SGCE: variants seen among roughly 807,000 people sequenced by gnomAD.
SGCE encodes epsilon-sarcoglycan.
A neutral mutation model predicts 57.8 loss-of-function variants in SGCE; 26 were observed. That is an observed-to-expected ratio of 0.45 (90% CI 0.33 to 0.62). The LOEUF is 0.62. Ranked by LOEUF, SGCE falls within the 20% of genes least tolerant of loss-of-function variation. The pLI is 0.02. For synonymous variants in SGCE, 183 were observed against 189.5 expected (o/e 0.97, Z 0.28); for missense variants, 468 against 548.6 (o/e 0.85, Z 1.47).
intron 3 of SGCE, chr7:94,626,068 C>T (rs1437330824): frequency 1.3e-5 from 2 of 152,094 alleles, no homozygotes; most frequent in Admixed American, 6.6e-5. Context: ...GAATATTCCT[C>T]ATTACCCATA....
intron 1 of SGCE, among the ~76,000 whole-genome samples, chr7:94,653,864 TTTTA>T (rs1216240191): frequency 6.6e-6 from 1 of 151,982 alleles, no homozygotes; most frequent in Non-Finnish European, 1.5e-5. Context: ...TCATTTAAAA[TTTTA>T]ATTAAAAAAT....
intron 9 of SGCE, among the ~76,000 whole-genome samples, chr7:94,594,034 C>T (rs1296714940): frequency 2.6e-5 from 4 of 152,178 alleles, no homozygotes; most frequent in African/African-American, 4.8e-5. Flanking sequence ...TCTGACACAA[C>T]GTGGTTTGGG....
chr7:94,600,293 AT>A (rs1183581084), intron 7 of SGCE: 2 of 240,970 alleles, frequency 8.3e-6, no homozygotes, highest in Admixed American at 1.0e-4. Context: ...AACTAACACA[AT>A]TTTTTTAAGT....
At chr7:94,652,856 C>T (rs899666143) in intron 1 of SGCE, among the ~76,000 whole-genome samples, 1 of 152,110 alleles carries the variant, frequency 6.6e-6, no homozygotes, top group African/African-American at 2.4e-5. Flanking sequence ...GGTAAGTCAG[C>T]AGGTTCGTAA....
chr7:94,600,870 A>C lies in SGCE; in HGVS notation c.826-13T>G. On this transcript the variant is annotated splice_polypyrimidine_tract_variant and intron_variant, in intron 6 of 10. Transcript: ENST00000648936. ...TTGTTTTATCAACCTGATATAAAAG[A>C]AGACAATTACACAACAAATTAATCG... The C allele has an allele frequency of 1.3e-6, 2 of 1,590,274 alleles. No homozygotes were observed. The highest frequency in any genetic ancestry group is 2.2e-5 in the South Asian group (2 of 89,628).
At chr7:94,649,838 A>T in intron 1 of SGCE, among the ~76,000 whole-genome samples, 1 of 152,204 alleles carries the variant, frequency 6.6e-6, no homozygotes. Flanking sequence ...AGAAAATATG[A>T]CAGAAGAATT....
In SGCE at chr7:94,634,954, C is replaced by T. The variant is rs1805392807; in HGVS notation, c.110-5113G>A. 2.6e-5 allele frequency among the ~76,000 whole-genome samples: 4 copies of T among 152,012 alleles called. No individual in the cohort carries two copies. In the South Asian group the frequency reaches 6.2e-4, roughly 24 times the overall value. ...GCATTGTATAAAACACTTACATATTCGATATGTGGGAAATACACTGCACAA... is the reference window on the plus strand; with the variant it reads ...GCATTGTATAAAACACTTACATATTTGATATGTGGGAAATACACTGCACAA... On this transcript the variant is annotated intron_variant, in intron 1 of 10. Transcript: ENST00000648936.
rs779825167 is a variant in SGCE at position 94,600,687 on chromosome 7, A to G, written c.996T>C (p.Phe332=). Residue 332 remains phenylalanine (F), a synonymous_variant, in exon 7 of 11, where the codon TTT becomes TTC. Coordinates refer to ENST00000648936, the MANE Select transcript of SGCE (RefSeq NM_003919.3). ...AVPSAVALVL[F]LILAYIMCCR... is the part of the protein sequence containing the mutation. ...AGCACATGATATAAGCAAGTATTAG[A>G]AAAAGGACCAGTGCCACTGCCGAGG... 1.9e-6 allele frequency: 3 copies of G among 1,613,772 alleles called. No individual in the cohort carries two copies. Among genetic ancestry groups the G allele is most frequent in the East Asian group, 2.2e-5 (1 of 44,846 alleles).
At chr7:94,594,143 T>C (rs1798071208) in intron 9 of SGCE, among the ~76,000 whole-genome samples, 1 of 152,126 alleles carries the variant, frequency 6.6e-6, no homozygotes, top group Non-Finnish European at 1.5e-5. Flanking sequence ...AGGGCAATCA[T>C]TGAGGTACAC....
At chr7:94,603,664 T>C (rs920452460) in intron 5 of SGCE, among the ~76,000 whole-genome samples, 12 of 152,164 alleles carry the variant, frequency 7.9e-5, no homozygotes, top group Non-Finnish European at 1.8e-4. Context: ...AGTGCTTTGG[T>C]ATACCAGATA....
At chr7:94,654,112 G>A (rs1264765749) in intron 1 of SGCE, among the ~76,000 whole-genome samples, 2 of 152,046 alleles carry the variant, frequency 1.3e-5, no homozygotes, top group Non-Finnish European at 2.9e-5. Context: ...AGGGTGAATA[G>A]GTTACAGGTG....
At chr7:94,655,883 A>G in intron 1 of SGCE, 107 bp downstream of exon 1, 1 of 708,926 alleles carries the variant, frequency 1.4e-6, no homozygotes, top group Non-Finnish European at 2.6e-6. Flanking sequence ...ACAGAAAGAG[A>G]GGCTGGTGCC....
In SGCE at chr7:94,618,951, G is replaced by T. The variant is rs1802353589; in HGVS notation, c.469C>A (p.Pro157Thr). Reference sequence around the variant, plus strand: ...AAGAATTCTGCTTGATATGGCAACGGGAAGTCTAATTTTGGTGAAAAAGGG... The same window carrying T: ...AAGAATTCTGCTTGATATGGCAACGTGAAGTCTAATTTTGGTGAAAAAGGG... ...IINIMSAEDF[P>T]LPYQAEFFIK... Residue 157 changes from proline (P) to threonine (T), a missense_variant, in exon 5 of 11, where the codon CCG (proline) becomes ACG (threonine). Transcript: ENST00000648936. 6.2e-7 allele frequency: 1 copy of T among 1,611,808 alleles called. No individual in the cohort carries two copies. Among genetic ancestry groups the T allele is most frequent in the Non-Finnish European group, 8.5e-7 (1 of 1,178,074 alleles).
intron 5 of SGCE, among the ~76,000 whole-genome samples, chr7:94,609,675 C>G (rs1800706108): frequency 6.6e-6 from 1 of 152,188 alleles, no homozygotes; most frequent in Non-Finnish European, 1.5e-5. Context: ...ATACGCAACA[C>G]ACAGATTGGC....
intron 5 of SGCE, among the ~76,000 whole-genome samples, chr7:94,607,733 T>C (rs1177302864): frequency 6.6e-6 from 1 of 152,226 alleles, no homozygotes; most frequent in Non-Finnish European, 1.5e-5. Flanking sequence ...TTAAGAATGT[T>C]GCCTCTCATC....
rs540566680 is a variant in SGCE, at chr7:94,607,041, T to TC, written c.663-3590dup. Among the ~76,000 whole-genome samples the TC allele has an allele frequency of 1.5e-3, 231 of 149,132 alleles. 1 individual carries two copies. The highest frequency in any genetic ancestry group is 5.1e-3 in the African/African-American group (207 of 40,448). On this transcript the variant is annotated intron_variant, in intron 5 of 10. Transcript: ENST00000648936. ...AGATCTAAAATCAATAATTGAAACC[T>TC]CCCCCTCAGGAAACTAGAAAAAGAA...
intron 4 of SGCE, chr7:94,619,574 C>T (rs1334027977): frequency 1.3e-5 from 2 of 152,234 alleles, no homozygotes; most frequent in Non-Finnish European, 2.9e-5. Flanking sequence ...TAATTTGTTA[C>T]TCAAATGCTA....
chr7:94,606,233 T>C (rs1279379014), intron 5 of SGCE, among the ~76,000 whole-genome samples: 1 of 152,144 alleles, frequency 6.6e-6, no homozygotes, highest in Non-Finnish European at 1.5e-5. Flanking sequence ...TTATAAAAAA[T>C]ATCTACTTTA....
chr7:94,615,401 GATAGATAGATA>G, intron 5 of SGCE, among the ~76,000 whole-genome samples: 2 of 149,988 alleles, frequency 1.3e-5, no homozygotes, highest in East Asian at 3.9e-4. Flanking sequence ...TAGATAGATA[GATAGATAGATA>G]GATAGATAGA....
Sources: allele counts gnomAD v4.1 joint callset (sites outside exome capture counted in the v4.1 genomes callset), GRCh38; gene constraint gnomAD v4.1.1; transcripts MANE v1.5; gene names NCBI Gene and HGNC (gene_info 2026-07-23, HGNC 2026-07-21).